The following PBX1 variants were observed in gnomAD, a reference collection of about 807,000 sequenced individuals.
The protein encoded by PBX1 is PBX homeobox 1.
Under a neutral mutation model 53.4 loss-of-function variants are expected in PBX1, and 6 were observed. That is an observed-to-expected ratio of 0.11 (90% CI 0.06 to 0.22). PBX1 has a LOEUF of 0.22. Among genes scored for constraint, PBX1 ranks in the 10% least tolerant of loss-of-function variants. The probability of loss-of-function intolerance (pLI) is 1.00; values close to 1 mark genes in which losing one functional copy is unlikely to be tolerated. For missense variants in PBX1, 251 were observed against 551.4 expected (o/e 0.46, Z 5.46); for synonymous variants, 204 against 212.3 (o/e 0.96, Z 0.34).
intron 2 of PBX1, among the ~76,000 whole-genome samples, chr1:164,600,909 T>G (rs1418393668): frequency 6.6e-6 from 1 of 152,024 alleles, no homozygotes. Flanking sequence ...TGGCTTGCAT[T>G]TTATAAAAAT....
chr1:164,763,822 G>A (rs766640652), intron 2 of PBX1, among the ~76,000 whole-genome samples: 17 of 152,222 alleles, frequency 1.1e-4, no homozygotes, highest in Non-Finnish European at 2.4e-4. Context: ...CTCCAATCAT[G>A]CCATGGTGAG....
intron 2 of PBX1, among the ~76,000 whole-genome samples, chr1:164,604,025 CT>C (rs1656386986): frequency 6.9e-6 from 1 of 144,556 alleles, no homozygotes; most frequent in East Asian, 2.1e-4. Flanking sequence ...ACTGCAGCCT[CT>C]GCCTCCCAGG....
chr1:164,857,262 C>T (rs2102438251), intron 2 of PBX1, among the ~76,000 whole-genome samples: 1 of 152,250 alleles, frequency 6.6e-6, no homozygotes, highest in Admixed American at 6.5e-5. Flanking sequence ...CAGGAAGCCA[C>T]TTTGCTTCCA....
rs1310907240 is a variant in PBX1, at chr1:164,846,767, A to T, written c.*91A>T. On this transcript the variant is annotated 3_prime_UTR_variant, in exon 9 of 9. Transcript: ENST00000420696. ...TCTCTCCCAACGCTGAAGCGGTCAG[A>T]CTGGAGGTCGAAGCAATCAGCAAAC... is the stretch of plus-strand genomic sequence containing the variant. The T allele has an allele frequency of 6.2e-7, 1 of 1,603,770 alleles. No homozygotes were observed. Among genetic ancestry groups the T allele is most frequent in the Non-Finnish European group, 8.5e-7 (1 of 1,175,064 alleles).
chr1:164,691,235 A>G (rs1362291062), intron 2 of PBX1, among the ~76,000 whole-genome samples: 1 of 151,864 alleles, frequency 6.6e-6, no homozygotes, highest in Admixed American at 6.6e-5. Flanking sequence ...ACTGGTCTCG[A>G]ACTCCCGGCC....
chr1:164,714,940 T>G (rs1421551814), intron 2 of PBX1, among the ~76,000 whole-genome samples: 3 of 152,204 alleles, frequency 2.0e-5, no homozygotes, highest in Admixed American at 2.0e-4. Flanking sequence ...TGATGAAGCA[T>G]TCAAAATAAA....
chr1:164,706,017 G>C (rs1362658517), intron 2 of PBX1, among the ~76,000 whole-genome samples: 1 of 152,056 alleles, frequency 6.6e-6, no homozygotes, highest in Non-Finnish European at 1.5e-5. Context: ...TTGGCCTTTT[G>C]GTTTTTGATT....
At chr1:164,759,142 G>C (rs924504911) in intron 2 of PBX1, among the ~76,000 whole-genome samples, 3 of 152,124 alleles carry the variant, frequency 2.0e-5, no homozygotes, top group African/African-American at 4.8e-5. Context: ...ACTTAATATA[G>C]TTTATCCTAC....
At chr1:164,726,297 T>C (rs1313982717) in intron 2 of PBX1, among the ~76,000 whole-genome samples, 1 of 152,204 alleles carries the variant, frequency 6.6e-6, no homozygotes, top group Non-Finnish European at 1.5e-5. Context: ...TTCCCTGCCA[T>C]GGGTTTAGTG....
chr1:164,671,601 C>A (rs748620577), intron 2 of PBX1, among the ~76,000 whole-genome samples: 1 of 152,106 alleles, frequency 6.6e-6, no homozygotes, highest in Non-Finnish European at 1.5e-5. Context: ...AGTATGATTT[C>A]TGAAAGGCTG....
chr1:164,640,556 GTGTTTTTTTTTTTTTT>G, intron 2 of PBX1, among the ~76,000 whole-genome samples: 1 of 30,706 alleles, frequency 3.3e-5, no homozygotes, highest in East Asian at 1.4e-3. Flanking sequence ...TTTTTTTTTT[GTGTTTTTTTTTTTTTT>G]TTTAGACGAA....
chr1:164,855,303 A>G (rs930138821), downstream of PBX1, among the ~76,000 whole-genome samples: 1 of 152,026 alleles, frequency 6.6e-6, no homozygotes, highest in African/African-American at 2.4e-5. Context: ...ACAGTCTCCA[A>G]TTTCCTCCTG....
At chr1:164,878,905 A>T (rs1206461729) in intron 2 of PBX1, among the ~76,000 whole-genome samples, 1 of 152,226 alleles carries the variant, frequency 6.6e-6, no homozygotes, top group Admixed American at 6.5e-5. Context: ...TGAAGAAGAA[A>T]TTATGGCAGC....
At chr1:164,648,234 G>T (rs1659584666) in intron 2 of PBX1, among the ~76,000 whole-genome samples, 1 of 152,130 alleles carries the variant, frequency 6.6e-6, no homozygotes, top group South Asian at 2.1e-4. Context: ...TATTATTAGG[G>T]GTGTGATTTA....
At chr1:164,571,190 C>T (rs1173249841) in intron 2 of PBX1, among the ~76,000 whole-genome samples, 1 of 152,136 alleles carries the variant, frequency 6.6e-6, no homozygotes. Flanking sequence ...ATATTTCTAA[C>T]ACCATGAAAT....
intron 2 of PBX1, among the ~76,000 whole-genome samples, chr1:164,579,745 G>C (rs1654483626): frequency 6.6e-6 from 1 of 152,080 alleles, no homozygotes. Flanking sequence ...GATCATCCTG[G>C]AATGAAACTG....
chr1:164,877,127 A>G (rs1205025823), intron 2 of PBX1, among the ~76,000 whole-genome samples: 3 of 152,120 alleles, frequency 2.0e-5, no homozygotes, highest in Middle Eastern at 3.4e-3. Flanking sequence ...TTTAGATGGA[A>G]ACACTGAATT....
At chr1:164,830,549 A>T (rs1192982468) in intron 8 of PBX1, among the ~76,000 whole-genome samples, 1 of 152,206 alleles carries the variant, frequency 6.6e-6, no homozygotes, top group African/African-American at 2.4e-5. Context: ...AAATATAGAA[A>T]TACCTACATT....
chr1:164,778,376 G>C (rs1667768506), intron 2 of PBX1, among the ~76,000 whole-genome samples: 1 of 152,194 alleles, frequency 6.6e-6, no homozygotes, highest in Non-Finnish European at 1.5e-5. Flanking sequence ...AGGTGCAGTG[G>C]CTCACACCTG....
Sources: allele counts gnomAD v4.1 joint callset (sites outside exome capture counted in the v4.1 genomes callset), GRCh38; gene constraint gnomAD v4.1.1; transcripts MANE v1.5; gene names NCBI Gene and HGNC (gene_info 2026-07-23, HGNC 2026-07-21).